The following CALN1 variants were observed in gnomAD, a reference collection of about 807,000 sequenced individuals.
The protein encoded by CALN1 is calcium-binding protein 8.
Under a neutral mutation model 30.6 loss-of-function variants are expected in CALN1, and 17 were observed. That is an observed-to-expected ratio of 0.56 (90% CI 0.38 to 0.83). The LOEUF (loss-of-function observed/expected upper bound fraction) is 0.83. CALN1 is among the 40% of genes least tolerant of loss of function. The pLI, the probability that CALN1 is intolerant of heterozygous loss-of-function variation, is 0.00. For missense variants in CALN1, 291 were observed against 354.9 expected (o/e 0.82, Z 1.45); for synonymous variants, 156 against 131.4 (o/e 1.19, Z -1.28).
intron 5 of CALN1, among the ~76,000 whole-genome samples, chr7:71,940,269 T>G (rs1056874809): frequency 3.3e-5 from 5 of 152,204 alleles, no homozygotes; most frequent in Non-Finnish European, 5.9e-5. Flanking sequence ...TATGAGTTGG[T>G]GAATGCCTTG....
chr7:72,337,334 C>A (rs1388478051), intron 2 of CALN1: 3 of 966,562 alleles, frequency 3.1e-6, no homozygotes, highest in Non-Finnish European at 3.7e-6. Flanking sequence ...GCCCCCACCC[C>A]CCAACCTCCG....
At chr7:72,394,754 T>C (rs1805805628) in intron 2 of CALN1, among the ~76,000 whole-genome samples, 1 of 151,440 alleles carries the variant, frequency 6.6e-6, no homozygotes, top group Non-Finnish European at 1.5e-5. Flanking sequence ...CTTAAATTCC[T>C]GGGATCAAGC....
chr7:72,184,181 AT>A (rs1411860415), intron 3 of CALN1, among the ~76,000 whole-genome samples: 6 of 152,132 alleles, frequency 3.9e-5, no homozygotes, highest in Admixed American at 3.9e-4. Context: ...ATGATGGTTA[AT>A]TTTTCAATCG....
chr7:72,035,834 TTAA>T (rs1329277569), intron 4 of CALN1, among the ~76,000 whole-genome samples: 1 of 152,236 alleles, frequency 6.6e-6, no homozygotes, highest in Non-Finnish European at 1.5e-5. Context: ...TGAAAACGCA[TTAA>T]TGTCTTAAAT....
intron 2 of CALN1, among the ~76,000 whole-genome samples, chr7:72,300,984 ACT>A (rs556110473): frequency 7.9e-5 from 12 of 152,014 alleles, no homozygotes; most frequent in Admixed American, 1.3e-4. Context: ...ACAGAGTGAG[ACT>A]CTGTCTCAAA....
At chr7:72,183,743 A>G (rs777732661) in intron 3 of CALN1, among the ~76,000 whole-genome samples, 4 of 152,182 alleles carry the variant, frequency 2.6e-5, no homozygotes, top group Non-Finnish European at 5.9e-5. Context: ...ATGCAGGGCA[A>G]CTCACATTTA....
chr7:72,169,904 G>T (rs1788816561), intron 3 of CALN1, among the ~76,000 whole-genome samples: 1 of 152,080 alleles, frequency 6.6e-6, no homozygotes, highest in African/African-American at 2.4e-5. Flanking sequence ...TATTGGCCAG[G>T]CTGGTCTTGA....
At chr7:72,316,582 T>C (rs1188543856) in intron 2 of CALN1, among the ~76,000 whole-genome samples, 1 of 152,098 alleles carries the variant, frequency 6.6e-6, no homozygotes, top group Non-Finnish European at 1.5e-5. Flanking sequence ...GTGAATTTAA[T>C]TTTCTTCTAT....
At chr7:72,282,338 C>G (rs1797782382) in intron 2 of CALN1, among the ~76,000 whole-genome samples, 2 of 152,194 alleles carry the variant, frequency 1.3e-5, no homozygotes, top group African/African-American at 4.8e-5. Context: ...AAGCGACTGT[C>G]ATGAAAACAA....
chr7:72,409,457 T>C (rs534757405), intron 1 of CALN1, among the ~76,000 whole-genome samples: 1 of 144,166 alleles, frequency 6.9e-6, no homozygotes, highest in South Asian at 2.5e-4. Flanking sequence ...AACGGATCTC[T>C]GTGCCAGCCT....
intron 4 of CALN1, among the ~76,000 whole-genome samples, chr7:72,025,495 T>C (rs1028801578): frequency 6.6e-6 from 1 of 152,198 alleles, no homozygotes; most frequent in Admixed American, 6.5e-5. Context: ...GAATGAATGA[T>C]GTCTCTTGCT....
intron 2 of CALN1, among the ~76,000 whole-genome samples, chr7:72,283,334 G>A (rs1450548216): frequency 6.6e-6 from 1 of 152,066 alleles, no homozygotes; most frequent in Non-Finnish European, 1.5e-5. Flanking sequence ...AGACCAGCCT[G>A]GGCAACAGAG....
At chr7:72,148,103 A>AT (rs1442841283) in intron 3 of CALN1, among the ~76,000 whole-genome samples, 11 of 148,882 alleles carry the variant, frequency 7.4e-5, no homozygotes, top group African/African-American at 2.5e-4. Context: ...AAAAAAAATA[A>AT]AAAAAAAAAA....
intron 6 of CALN1, among the ~76,000 whole-genome samples, chr7:71,790,253 G>A (rs1290510165): frequency 7.1e-6 from 1 of 141,788 alleles, no homozygotes; most frequent in African/African-American, 2.6e-5. Flanking sequence ...AAGGAAGGAA[G>A]AAGAAAGAAA....
chr7:72,420,724 C>T (rs908428843), intron 1 of CALN1, among the ~76,000 whole-genome samples: 21 of 150,922 alleles, frequency 1.4e-4, no homozygotes, highest in Non-Finnish European at 1.9e-4. Flanking sequence ...CCCGGGTTCA[C>T]GCCATTCTCC....
the CALN1 span, among the ~76,000 whole-genome samples, chr7:72,501,908 C>CAAAAAAAAAA: frequency 3.2e-3 from 78 of 24,726 alleles, 11 homozygotes; most frequent in African/African-American, 0.013. Context: ...GATTTCGTCT[C>CAAAAAAAAAA]AAAAAAAAAA....
At chr7:71,910,419 G>A (rs1160352135) in intron 5 of CALN1, among the ~76,000 whole-genome samples, 1 of 152,160 alleles carries the variant, frequency 6.6e-6, no homozygotes, top group Non-Finnish European at 1.5e-5. Context: ...CAGAAGGCGA[G>A]GAGATCAGGA....
chr7:72,302,827 G>A (rs1313526327), intron 2 of CALN1, among the ~76,000 whole-genome samples: 3 of 149,128 alleles, frequency 2.0e-5, no homozygotes, highest in East Asian at 4.0e-4. Flanking sequence ...CCCAGGAGGC[G>A]GCGGATGTTG....
Position 72,252,141 on chromosome 7 carries a change from A to AG in CALN1, c.244+26544dup, listed in dbSNP as rs570001981. On this transcript the variant is annotated intron_variant, in intron 3 of 6. Transcript: ENST00000395275. ...ATTGGACTCAACACGTTCAATACTG[A>AG]GCTCCTGGACTTTCTTTCTCCCCTC... is the stretch of plus-strand genomic sequence containing the variant. 2.0e-4 allele frequency among the ~76,000 whole-genome samples: 31 copies of AG among 152,172 alleles called. No homozygotes were observed. In the South Asian group the frequency reaches 6.0e-3, roughly 30 times the overall value.
Sources: gnomAD v4.1 joint callset for allele counts (sites outside exome capture counted in the v4.1 genomes callset) on GRCh38, gnomAD v4.1.1 for gene constraint, MANE v1.5 for transcripts, NCBI Gene and HGNC (gene_info 2026-07-23, HGNC 2026-07-21) for gene names.